Variants in FRMPD4 observed in about 807,000 individuals in gnomAD.
FRMPD4 encodes the protein FERM and PDZ domain containing 4.
Under a neutral mutation model 94.1 loss-of-function variants are expected in FRMPD4, and 22 were observed. The observed-to-expected ratio is 0.23, with a 90% confidence interval of 0.17 to 0.33. The LOEUF (loss-of-function observed/expected upper bound fraction) is 0.33, where lower values mean the gene tolerates loss of function less well. Ranked by LOEUF, FRMPD4 falls within the 10% of genes least tolerant of loss-of-function variation. The pLI, the probability that FRMPD4 is intolerant of heterozygous loss-of-function variation, is 1.00. For synonymous variants in FRMPD4, 631 were observed against 548.6 expected (o/e 1.15, Z -2.10); for missense variants, 1,111 against 1,339.9 (o/e 0.83, Z 2.67).
intron 1 of FRMPD4, among the ~76,000 whole-genome samples, chrX:12,280,277 T>TAATAATAATAATAATAAA (rs1171955552): frequency 1.7e-4 from 18 of 106,676 alleles, no homozygotes; most frequent in Non-Finnish European, 3.1e-4. Context: ...ATAATAATAA[T>TAATAATAATAATAATAAA]AAAACCAAGT....
At chrX:12,542,262 T>A (rs1326167571) in intron 2 of FRMPD4, among the ~76,000 whole-genome samples, 1 of 111,579 alleles carries the variant, frequency 9.0e-6, no homozygotes, top group East Asian at 2.8e-4. Flanking sequence ...CAGAAAGAAA[T>A]AAAGGGTATT....
At chrX:12,258,825 A>G (rs868443402) in intron 1 of FRMPD4, among the ~76,000 whole-genome samples, 25 of 111,230 alleles carry the variant, frequency 2.2e-4, no homozygotes, top group Middle Eastern at 9.3e-3. Context: ...GGAACATTCC[A>G]ATTCTTCTCT....
intron 1 of FRMPD4, among the ~76,000 whole-genome samples, chrX:12,241,495 C>T (rs2057129059): frequency 8.9e-6 from 1 of 112,467 alleles, no homozygotes; most frequent in Admixed American, 9.4e-5. Flanking sequence ...GTTATTATCT[C>T]TCTATTGCCA....
At chrX:11,823,631 A>G (rs1194701127) in intron 1 of FRMPD4, among the ~76,000 whole-genome samples, 2 of 111,481 alleles carry the variant, frequency 1.8e-5, no homozygotes, top group Non-Finnish European at 3.8e-5. Context: ...TGTTGCAGCT[A>G]CTCCACTCTG....
intron 6 of FRMPD4, among the ~76,000 whole-genome samples, chrX:12,685,097 G>C (rs763858235): frequency 1.8e-5 from 2 of 112,194 alleles, no homozygotes; most frequent in South Asian, 7.5e-4. Context: ...GCAGAAAAGA[G>C]GGGGAGGAAA....
chrX:12,329,857 C>CAA (rs750627076), intron 1 of FRMPD4, among the ~76,000 whole-genome samples: 9 of 55,475 alleles, frequency 1.6e-4, no homozygotes, highest in Admixed American at 2.4e-4. Flanking sequence ...AGTTTCTAAC[C>CAA]AAAAAAAAAA....
intron 1 of FRMPD4, among the ~76,000 whole-genome samples, chrX:12,253,240 G>A (rs76480248): frequency 6.2e-5 from 7 of 112,325 alleles, no homozygotes; most frequent in African/African-American, 1.9e-4. Context: ...ATCAGAGGAT[G>A]CACCTCTTCC....
Position 11,843,762 on chromosome X carries a change from GCT to G in FRMPD4, c.-161+21048_-161+21049del, listed in dbSNP as rs2053555366. On this transcript the variant is annotated intron_variant, in intron 1 of 18. Coordinates refer to the FRMPD4 transcript ENST00000640291. ...TTGTGGGTCTTGCTGTGTTCACCAG[GCT>G]GATGTTGAACTGCTGGACTCAGGTA... Among the ~76,000 whole-genome samples, 3 of 109,451 alleles carry G rather than the reference GCT, an allele frequency of 2.7e-5. No homozygotes were observed. In the East Asian group the frequency reaches 8.7e-4, roughly 32 times the overall value.
In FRMPD4 at chrX:12,138,592, C is replaced by T. The variant is rs1235145860; in HGVS notation, c.-380C>T. 7.3e-6 allele frequency: 2 copies of T among 275,020 alleles called. No homozygotes were observed. The highest frequency in any genetic ancestry group is 1.3e-5 in the Non-Finnish European group (2 of 156,219). 22.7% of individuals were successfully genotyped at this position (275,020 alleles called of 1,213,427 possible). On this transcript the variant is annotated 5_prime_UTR_variant, in exon 1 of 17. Transcript: ENST00000675598. ...TCCGAGGGCCGGGAAGCCAGAGCAG[C>T]GCCTCTCGCCCAGGCCTCGCTTTCT... is the stretch of plus-strand genomic sequence containing the variant.
At chrX:12,565,997 A>AT (rs2058708013) in intron 2 of FRMPD4, among the ~76,000 whole-genome samples, 1 of 111,686 alleles carries the variant, frequency 9.0e-6, no homozygotes, top group Non-Finnish European at 1.9e-5. Context: ...GCACTGAACA[A>AT]TTAGTGGTAA....
rs1410865066 is a variant in FRMPD4 at position 12,701,854 on chromosome X, C to T, written c.934-20C>T. ...GGCCTATTCTTTGACAAGCTGTGCC[C>T]CCTGCTGGTCTCTTCGCAGAGTTGT... On this transcript the variant is annotated intron_variant, in intron 9 of 16. Coordinates refer to ENST00000675598, the MANE Select transcript of FRMPD4 (RefSeq NM_001368397.1). 3 of 1,206,563 alleles carry T rather than the reference C, an allele frequency of 2.5e-6. No homozygotes were observed. The African/African-American group carries it at 5.2e-5, about 21-fold the overall frequency.
chrX:12,481,257 A>T (rs1161484691), intron 1 of FRMPD4, among the ~76,000 whole-genome samples: 2 of 110,271 alleles, frequency 1.8e-5, no homozygotes, highest in Non-Finnish European at 3.8e-5. Context: ...CACTCCCTCT[A>T]CTTCCCCACT....
At chrX:12,469,827 A>G (rs1253849069) in intron 1 of FRMPD4, among the ~76,000 whole-genome samples, 1 of 112,610 alleles carries the variant, frequency 8.9e-6, no homozygotes, top group African/African-American at 3.2e-5. Context: ...GTAAAGAAAT[A>G]TGAAGGCATC....
chrX:12,374,588 A>G (rs1037834254), intron 1 of FRMPD4, among the ~76,000 whole-genome samples: 8 of 112,136 alleles, frequency 7.1e-5, no homozygotes, highest in African/African-American at 2.6e-4. Context: ...AAACGAATGC[A>G]AAAGAGTCCG....
At chrX:12,128,240 A>G (rs1302855612) in intron 3 of FRMPD4, among the ~76,000 whole-genome samples, 1 of 113,096 alleles carries the variant, frequency 8.8e-6, no homozygotes, top group Non-Finnish European at 1.9e-5. Context: ...TGGCATTTCC[A>G]TATGTCCTCT....
chrX:12,196,227 A>T (rs1483227386), intron 1 of FRMPD4, among the ~76,000 whole-genome samples: 3 of 111,508 alleles, frequency 2.7e-5, no homozygotes, highest in Non-Finnish European at 5.7e-5. Flanking sequence ...AACATCTCCA[A>T]GGATAGCAAT....
Position 12,557,883 on chromosome X carries a change from C to T in FRMPD4, c.159-51838C>T, listed in dbSNP as rs2058613550. Among the ~76,000 whole-genome samples the T allele has an allele frequency of 2.7e-5, 3 of 111,479 alleles. No individual in the cohort carries two copies. In the South Asian group the frequency reaches 1.2e-3, roughly 43 times the overall value. The stretch of plus-strand genomic sequence containing the variant: ...GAAGGAGAAGGCAACAAATTGGAAG[C>T]CTTCTAGGGATCTGATTCTGTGACA... On this transcript the variant is annotated intron_variant, in intron 2 of 16. Coordinates refer to ENST00000675598, the MANE Select transcript of FRMPD4 (RefSeq NM_001368397.1).
intron 4 of FRMPD4, among the ~76,000 whole-genome samples, chrX:12,671,989 C>T (rs1474140271): frequency 8.9e-6 from 1 of 111,892 alleles, no homozygotes; most frequent in South Asian, 3.8e-4. Flanking sequence ...ATAGTCAAAA[C>T]TTCCAACTCC....
chrX:12,043,812 A>G (rs2054770903), intron 3 of FRMPD4, among the ~76,000 whole-genome samples: 1 of 111,883 alleles, frequency 8.9e-6, no homozygotes, highest in Non-Finnish European at 1.9e-5. Flanking sequence ...AGTCTTATTT[A>G]GCAAAATTAT....
Sources: allele counts gnomAD v4.1 joint callset (sites outside exome capture counted in the v4.1 genomes callset), GRCh38; gene constraint gnomAD v4.1.1; transcripts MANE v1.5; gene names NCBI Gene and HGNC (gene_info 2026-07-23, HGNC 2026-07-21).